The following RASEF variants were observed in gnomAD, a reference collection of about 807,000 sequenced individuals.
RASEF encodes the protein ras and EF-hand domain-containing protein.
A neutral mutation model predicts 90.1 loss-of-function variants in RASEF; 68 were observed. The ratio of observed to expected loss-of-function variants is 0.75; its 90% CI spans 0.62 to 0.92. RASEF has a LOEUF of 0.92. Ranked by LOEUF, RASEF falls within the 40% of genes least tolerant of loss-of-function variation. The pLI is 0.00. For synonymous variants in RASEF, 331 were observed against 345.2 expected, an observed-to-expected ratio of 0.96 and a Z score of 0.46; for missense variants, 949 against 937.2, an observed-to-expected ratio of 1.01 and a Z score of -0.16.
At chr9:83,002,117 C>G (rs1228410811) in intron 9 of RASEF, among the ~76,000 whole-genome samples, 4 of 152,060 alleles carry the variant, frequency 2.6e-5, no homozygotes, top group African/African-American at 4.8e-5. Context: ...TATTTACCAC[C>G]CACTACACCC....
chr9:83,059,227 G>A (rs1177633422), intron 1 of RASEF, among the ~76,000 whole-genome samples: 1 of 151,362 alleles, frequency 6.6e-6, no homozygotes, highest in Non-Finnish European at 1.5e-5. Flanking sequence ...GGTCAGAGAA[G>A]AGGCCTTCAT....
At chr9:83,064,143 G>T (rs1005082951), upstream of RASEF, among the ~76,000 whole-genome samples, 1 of 152,106 alleles carries the variant, frequency 6.6e-6, no homozygotes, top group Non-Finnish European at 1.5e-5. Flanking sequence ...TTACTGACAC[G>T]TTCCTACTAG....
the RASEF span, among the ~76,000 whole-genome samples, chr9:83,165,240 CAG>C: frequency 2.0e-5 from 3 of 152,038 alleles, no homozygotes; most frequent in Admixed American, 6.6e-5. Flanking sequence ...TCACCAAAAA[CAG>C]ATCATATTCT....
the RASEF span, among the ~76,000 whole-genome samples, chr9:83,144,380 AAAG>A: frequency 3.1e-4 from 18 of 58,736 alleles, no homozygotes; most frequent in African/African-American, 1.6e-3. Context: ...AGAAAGAAAG[AAAG>A]AAAGAAAGGA....
the RASEF span, among the ~76,000 whole-genome samples, chr9:83,089,048 C>T: frequency 2.0e-5 from 3 of 151,868 alleles, no homozygotes; most frequent in African/African-American, 7.3e-5. Context: ...CATTTTAATC[C>T]CTTGTAATTT....
intron 4 of RASEF, among the ~76,000 whole-genome samples, chr9:83,015,079 A>G (rs555513465): frequency 3.3e-5 from 5 of 152,334 alleles, no homozygotes; most frequent in Non-Finnish European, 5.9e-5. Context: ...AGGGTACCCT[A>G]GATCTGGAAT....
In RASEF at chr9:82,982,592, T is replaced by G; in HGVS notation, c.*85A>C. 1 of 786,846 alleles carries G rather than the reference T, an allele frequency of 1.3e-6. No homozygotes were observed. The highest frequency in any genetic ancestry group is 1.4e-5 in the South Asian group (1 of 70,848). 48.7% of individuals were successfully genotyped at this position (786,846 alleles called of 1,614,324 possible). A position where few individuals can be genotyped will look rare whatever the true frequency, so the allele number is the denominator to read the frequency against. ...TCTCCATAGGACAGTGTCAGTAGGA[T>G]GTGCCACTCTGTTAAGAGCCAAATA... On this transcript the variant is annotated 3_prime_UTR_variant, in exon 17 of 17. Coordinates refer to ENST00000376447, the MANE Select transcript of RASEF (RefSeq NM_152573.4).
At chr9:83,116,143 C>T in the RASEF span, among the ~76,000 whole-genome samples, 1 of 152,136 alleles carries the variant, frequency 6.6e-6, no homozygotes, top group Non-Finnish European at 1.5e-5. Flanking sequence ...TGTCAAAATT[C>T]TTCAAGAACC....
chr9:83,205,535 C>A, the RASEF span, among the ~76,000 whole-genome samples: 1 of 152,092 alleles, frequency 6.6e-6, no homozygotes, highest in Non-Finnish European at 1.5e-5. Flanking sequence ...CCTTCAAACA[C>A]CCCCTCACTA....
At chr9:83,012,347 G>A (rs1829261482) in intron 5 of RASEF, 87 bp downstream of exon 5, 1 of 642,038 alleles carries the variant, frequency 1.6e-6, no homozygotes, top group African/African-American at 1.9e-5. Context: ...TTCCCTTTAA[G>A]CTGCTCTTCC....
chr9:83,129,338 C>T, the RASEF span, among the ~76,000 whole-genome samples: 2 of 149,382 alleles, frequency 1.3e-5, no homozygotes, highest in East Asian at 4.0e-4. Flanking sequence ...GCCCGGGAGG[C>T]GGAGCTTGCA....
At chr9:83,004,096 T>C (rs1829086199) in intron 9 of RASEF, among the ~76,000 whole-genome samples, 2 of 152,178 alleles carry the variant, frequency 1.3e-5, no homozygotes, top group African/African-American at 4.8e-5. Context: ...TTCTGCAACA[T>C]AGCTCATATA....
chr9:83,021,598 C>T (rs964367172), intron 3 of RASEF, among the ~76,000 whole-genome samples: 4 of 152,054 alleles, frequency 2.6e-5, no homozygotes, highest in African/African-American at 4.8e-5. Context: ...TCTGCATCTG[C>T]GAATTCAACC....
chr9:83,167,469 G>C, the RASEF span, among the ~76,000 whole-genome samples: 1 of 151,818 alleles, frequency 6.6e-6, no homozygotes, highest in African/African-American at 2.4e-5. Context: ...GTGTTCTACA[G>C]AGGTTGACTC....
chr9:83,189,255 G>T, the RASEF span, among the ~76,000 whole-genome samples: 1 of 152,046 alleles, frequency 6.6e-6, no homozygotes, highest in South Asian at 2.1e-4. Context: ...ACTTTTGCTC[G>T]GCACTTCTTG....
At chr9:83,022,556 T>A (rs902179830) in intron 2 of RASEF, 130 bp from the exon 3 acceptor site, 2 of 659,458 alleles carry the variant, frequency 3.0e-6, no homozygotes, top group Admixed American at 5.5e-5. Context: ...CAAAATGATT[T>A]CCCATTCCTT....
In RASEF at chr9:82,982,385, A is replaced by AT. The variant is rs1272635386; in HGVS notation, c.*291dup. 1 of 211,852 alleles carries AT rather than the reference A, an allele frequency of 4.7e-6. No individual in the cohort carries two copies. The allele number at this position is 211,852 out of a possible 1,614,324, so 13.1% of individuals were successfully genotyped here. A position where few individuals can be genotyped will look rare whatever the true frequency, so the allele number is the denominator to read the frequency against. On this transcript the variant is annotated 3_prime_UTR_variant, in exon 17 of 17. Transcript: ENST00000376447. ...TCTACAGCTTTGATCTGAGCATGTG[A>AT]TTTCTTTTCTTTTCTTTTTTTTTAC...
At chr9:82,995,122 T>C (rs975886836) in intron 14 of RASEF, among the ~76,000 whole-genome samples, 3 of 152,174 alleles carry the variant, frequency 2.0e-5, no homozygotes, top group East Asian at 1.9e-4. Context: ...TTTCAGACCA[T>C]AGGAAAACGT....
At chr9:83,099,035 A>G in the RASEF span, among the ~76,000 whole-genome samples, 1 of 152,182 alleles carries the variant, frequency 6.6e-6, no homozygotes, top group Non-Finnish European at 1.5e-5. Context: ...ACCCACAGAG[A>G]AAGGATAATC....
Sources: allele counts gnomAD v4.1 joint callset (sites outside exome capture counted in the v4.1 genomes callset), GRCh38; gene constraint gnomAD v4.1.1; transcripts MANE v1.5; gene names NCBI Gene and HGNC (gene_info 2026-07-23, HGNC 2026-07-21).